The following CDH13 variants were observed in gnomAD, a reference collection of about 807,000 sequenced individuals.
The protein encoded by CDH13 is cadherin-13.
CDH13 carries 24 observed loss-of-function variants against 63.8 expected under a neutral mutation model. The observed-to-expected ratio is 0.38, with a 90% CI of 0.27 to 0.53. The LOEUF (loss-of-function observed/expected upper bound fraction) is 0.53. Among genes scored for constraint, CDH13 ranks in the 20% least tolerant of loss-of-function variants. The pLI is 0.85. For missense variants in CDH13, 1,049 were observed against 903.1 expected (o/e 1.16, Z -2.07); for synonymous variants, 503 against 355.3 (o/e 1.42, Z -4.67).
At chr16:82,881,298 G>A (rs193096473) in intron 2 of CDH13, among the ~76,000 whole-genome samples, 1 of 152,220 alleles carries the variant, frequency 6.6e-6, no homozygotes, top group East Asian at 1.9e-4. Flanking sequence ...CTCAGATGAG[G>A]ATTGGTGTGT....
At chr16:82,762,605 G>A (rs1444560647) in intron 1 of CDH13, among the ~76,000 whole-genome samples, 4 of 152,164 alleles carry the variant, frequency 2.6e-5, no homozygotes, top group East Asian at 1.9e-4. Context: ...TGTTCTTGGT[G>A]ATGGTCATGT....
intron 1 of CDH13, among the ~76,000 whole-genome samples, chr16:82,714,163 T>G (rs145079495): frequency 6.6e-6 from 1 of 152,282 alleles, no homozygotes; most frequent in East Asian, 1.9e-4. Context: ...AGGACACTCA[T>G]ACGTCCATAA....
At chr16:82,897,572 A>G (rs137908061) in intron 2 of CDH13, among the ~76,000 whole-genome samples, 1 of 152,370 alleles carries the variant, frequency 6.6e-6, no homozygotes, top group Non-Finnish European at 1.5e-5. Flanking sequence ...GAGGAAAATA[A>G]GCCTCCAGAT....
At chr16:83,508,064 G>GAAGGAAGGAAGGAAGGA (rs1333630275) in intron 7 of CDH13, among the ~76,000 whole-genome samples, 1 of 26,096 alleles carries the variant, frequency 3.8e-5, no homozygotes, top group African/African-American at 1.1e-4. Context: ...AAGAAGGAAG[G>GAAGGAAGGAAGGAAGGA]AAGGAAGGAA....
At chr16:82,901,323 C>CGTGTGTGTGT (rs1567644849) in intron 2 of CDH13, among the ~76,000 whole-genome samples, 3 of 102,062 alleles carry the variant, frequency 2.9e-5, no homozygotes, top group East Asian at 1.0e-3. Flanking sequence ...ATAGTATTCT[C>CGTGTGTGTGT]CTGTGTGTGT....
At chr16:83,281,970 A>G (rs931506246) in intron 5 of CDH13, among the ~76,000 whole-genome samples, 1 of 152,146 alleles carries the variant, frequency 6.6e-6, no homozygotes, top group African/African-American at 2.4e-5. Context: ...CTTTTGATTT[A>G]AAGTGAGGGC....
chr16:83,789,259 A>G (rs1249559442), intron 13 of CDH13, among the ~76,000 whole-genome samples: 3 of 152,210 alleles, frequency 2.0e-5, no homozygotes, highest in East Asian at 3.8e-4. Flanking sequence ...GAGGCTGCAC[A>G]GAAGTGAGCT....
intron 1 of CDH13, among the ~76,000 whole-genome samples, chr16:82,738,381 C>T (rs1213892793): frequency 2.0e-5 from 3 of 152,144 alleles, no homozygotes; most frequent in African/African-American, 7.2e-5. Context: ...TGTGGAAAGC[C>T]CATCCCAAAC....
rs575820261 is a variant in CDH13, at chr16:82,844,073, C to T, written c.46-14289C>T. ...AATGGTCCCGTAATAAGTCTACATCCTCATTTTCAGAATGTGTCAAGGTTA... is the reference window on the plus strand; with the variant it reads ...AATGGTCCCGTAATAAGTCTACATCTTCATTTTCAGAATGTGTCAAGGTTA... On this transcript the variant is annotated intron_variant, in intron 1 of 13. Transcript: ENST00000567109. 5.3e-5 allele frequency among the ~76,000 whole-genome samples: 8 copies of T among 152,260 alleles called. No homozygotes were observed. In the South Asian group the frequency reaches 1.5e-3, roughly 28 times the overall value.
intron 3 of CDH13, among the ~76,000 whole-genome samples, chr16:83,060,600 C>A (rs1416867439): frequency 6.6e-6 from 1 of 152,168 alleles, no homozygotes; most frequent in South Asian, 2.1e-4. Context: ...TGCCTCATAA[C>A]TTGTAAGTAA....
Position 82,886,410 on chromosome 16 carries a change from C to T in CDH13, c.157+27937C>T, listed in dbSNP as rs142112127. Among the ~76,000 whole-genome samples, 500 of 152,228 alleles carry T rather than the reference C, an allele frequency of 3.3e-3. 5 individuals carry two copies. The highest frequency in any genetic ancestry group is 0.011 in the African/African-American group (448 of 41,540). On this transcript the variant is annotated intron_variant, in intron 2 of 13. Transcript: ENST00000567109. ...CCAGTGTATGTGTTATCACTGCAAA[C>T]GTTTGCCATTTCGGTAGACAAACAT...
intron 4 of CDH13, among the ~76,000 whole-genome samples, chr16:83,168,632 C>G (rs1015126898): frequency 6.6e-6 from 1 of 151,772 alleles, no homozygotes; most frequent in Non-Finnish European, 1.5e-5. Flanking sequence ...CTTGTAATTT[C>G]CCCACTCAGA....
chr16:83,086,848 T>C (rs1356105458), intron 3 of CDH13, among the ~76,000 whole-genome samples: 1 of 152,044 alleles, frequency 6.6e-6, no homozygotes, highest in Non-Finnish European at 1.5e-5. Context: ...GCTGGCATCA[T>C]GAAAAACCAC....
chr16:83,524,133 T>C (rs2074902459), intron 7 of CDH13, among the ~76,000 whole-genome samples: 1 of 152,228 alleles, frequency 6.6e-6, no homozygotes, highest in South Asian at 2.1e-4. Context: ...GACCTTACCA[T>C]GCACTAGATT....
At chr16:83,310,944 C>T (rs1229415198) in intron 5 of CDH13, among the ~76,000 whole-genome samples, 1 of 152,202 alleles carries the variant, frequency 6.6e-6, no homozygotes, top group African/African-American at 2.4e-5. Flanking sequence ...ATCCACCTGA[C>T]AGGAAGTTCC....
chr16:83,161,155 C>T (rs752694615), intron 4 of CDH13, among the ~76,000 whole-genome samples: 6 of 152,170 alleles, frequency 3.9e-5, no homozygotes, highest in Non-Finnish European at 8.8e-5. Flanking sequence ...TTTTCTAAGG[C>T]TATATTGGAC....
At chr16:82,998,120 T>G (rs904660809) in intron 2 of CDH13, among the ~76,000 whole-genome samples, 2 of 152,226 alleles carry the variant, frequency 1.3e-5, no homozygotes, top group African/African-American at 4.8e-5. Context: ...TTTCTATGGC[T>G]TCAAAGCCAT....
intron 5 of CDH13, among the ~76,000 whole-genome samples, chr16:83,243,050 C>G (rs1158992908): frequency 6.6e-6 from 1 of 152,106 alleles, no homozygotes; most frequent in Non-Finnish European, 1.5e-5. Flanking sequence ...AGTAGCTTAC[C>G]TAAGACATGG....
chr16:83,537,676 A>T (rs1177284461), intron 7 of CDH13, among the ~76,000 whole-genome samples: 1 of 152,192 alleles, frequency 6.6e-6, no homozygotes, highest in Admixed American at 6.5e-5. Context: ...GAATAGCTAC[A>T]TATAGTTATT....
Sources: allele counts gnomAD v4.1 joint callset (sites outside exome capture counted in the v4.1 genomes callset), GRCh38; gene constraint gnomAD v4.1.1; transcripts MANE v1.5; gene names NCBI Gene and HGNC (gene_info 2026-07-23, HGNC 2026-07-21).